SLC1A2: variants seen among roughly 807,000 people sequenced by gnomAD.
SLC1A2 encodes excitatory amino acid transporter 2.
Under a neutral mutation model 48.8 loss-of-function variants are expected in SLC1A2, and 15 were observed. The observed-to-expected ratio is 0.31, with a 90% CI of 0.21 to 0.47. The LOEUF (loss-of-function observed/expected upper bound fraction) is 0.47, where lower values mean the gene tolerates loss of function less well. Among genes scored for constraint, SLC1A2 ranks in the 20% least tolerant of loss-of-function variants. The probability of loss-of-function intolerance (pLI) is 0.99; values close to 1 mark genes in which losing one functional copy is unlikely to be tolerated. For synonymous variants in SLC1A2, 279 were observed against 272.6 expected (o/e 1.02, Z -0.23); for missense variants, 502 against 730.5 (o/e 0.69, Z 3.61).
At chr11:35,312,030 A>T in intron 4 of SLC1A2, 168 bp downstream of exon 4, 2 of 622,030 alleles carry the variant, frequency 3.2e-6, no homozygotes, top group African/African-American at 3.6e-5. Flanking sequence ...GGAGACTCCA[A>T]TCCCAAGATC....
intron 1 of SLC1A2, among the ~76,000 whole-genome samples, chr11:35,329,877 T>TACA (rs1852374431): frequency 6.6e-6 from 1 of 152,230 alleles, no homozygotes. Context: ...TAATAACAGT[T>TACA]GCCATCAGAC....
At chr11:35,284,114 T>TATATATA (rs1554993927) in intron 8 of SLC1A2, among the ~76,000 whole-genome samples, 5 of 139,658 alleles carry the variant, frequency 3.6e-5, no homozygotes, top group East Asian at 2.1e-4. Context: ...TATATATAAA[T>TATATATA]TATTATTTTG....
At chr11:35,311,691 G>T (rs1009917622) in intron 4 of SLC1A2, among the ~76,000 whole-genome samples, 4 of 151,946 alleles carry the variant, frequency 2.6e-5, no homozygotes, top group African/African-American at 9.7e-5. Context: ...GATTCTGATT[G>T]TGTAGGGTAT....
At chr11:35,288,097 A>T (rs1002742411) in intron 7 of SLC1A2, among the ~76,000 whole-genome samples, 2 of 152,192 alleles carry the variant, frequency 1.3e-5, no homozygotes, top group African/African-American at 4.8e-5. Context: ...GTGGGAGAAG[A>T]CCATCTGCTC....
chr11:35,303,611 T>C (rs1851418178), intron 5 of SLC1A2, among the ~76,000 whole-genome samples: 1 of 152,098 alleles, frequency 6.6e-6, no homozygotes, highest in African/African-American at 2.4e-5. Flanking sequence ...GTTAATTTCA[T>C]TTGAAATTAA....
intron 1 of SLC1A2, among the ~76,000 whole-genome samples, chr11:35,416,196 AG>A (rs1446610503): frequency 6.6e-6 from 1 of 152,228 alleles, no homozygotes; most frequent in African/African-American, 2.4e-5. Flanking sequence ...GTACAGGCAA[AG>A]ATCAATGCAC....
intron 1 of SLC1A2, among the ~76,000 whole-genome samples, chr11:35,331,023 CA>C (rs1383203107): frequency 1.3e-5 from 2 of 152,152 alleles, no homozygotes; most frequent in African/African-American, 2.4e-5. Context: ...TTGTTGTTTA[CA>C]AAAAGCCTCA....
intron 1 of SLC1A2, among the ~76,000 whole-genome samples, chr11:35,413,517 A>G (rs1855525627): frequency 6.6e-6 from 1 of 152,240 alleles, no homozygotes; most frequent in African/African-American, 2.4e-5. Flanking sequence ...TACCAAGATA[A>G]AAGGGAAGGT....
At chr11:35,374,886 C>A (rs1230462037) in intron 1 of SLC1A2, among the ~76,000 whole-genome samples, 1 of 152,046 alleles carries the variant, frequency 6.6e-6, no homozygotes, top group African/African-American at 2.4e-5. Flanking sequence ...ATACACATAC[C>A]TATATAAATC....
rs1245446768 is a variant in SLC1A2, at chr11:35,253,347, C to T, written c.*7547G>A. 1 of 152,620 alleles carries T rather than the reference C, an allele frequency of 6.6e-6. No homozygotes were observed. Among genetic ancestry groups the T allele is most frequent in the African/African-American group, 2.4e-5 (1 of 41,446 alleles). 9.5% of individuals were successfully genotyped at this position (152,620 alleles called of 1,614,324 possible). A position where few individuals can be genotyped will look rare whatever the true frequency, so the allele number is the denominator to read the frequency against. ...TTTGCTTGGCAAGAATTAACTGCAACAAATCTGTCCTGATTTCATCTCTAG... is the reference window on the plus strand; with the variant it reads ...TTTGCTTGGCAAGAATTAACTGCAATAAATCTGTCCTGATTTCATCTCTAG... On this transcript the variant is annotated 3_prime_UTR_variant, in exon 11 of 11. Coordinates refer to ENST00000278379, the MANE Select transcript of SLC1A2 (RefSeq NM_004171.4).
In SLC1A2 at chr11:35,284,496, C is replaced by G. The variant is rs544194163; in HGVS notation, c.1286+2261G>C. On this transcript the variant is annotated intron_variant, in intron 8 of 10. Coordinates refer to ENST00000278379, the MANE Select transcript of SLC1A2 (RefSeq NM_004171.4). ...CCACTGGGAGACATTTCAGATGATA[C>G]ATTCTAGCTGATTAAATAAATGTGA... Among the ~76,000 whole-genome samples the G allele has an allele frequency of 1.1e-4, 16 of 152,032 alleles. No homozygotes were observed. In the South Asian group the frequency reaches 3.3e-3, roughly 32 times the overall value.
At chr11:35,386,145 G>A (rs1385669237) in intron 1 of SLC1A2, among the ~76,000 whole-genome samples, 2 of 151,988 alleles carry the variant, frequency 1.3e-5, no homozygotes, top group South Asian at 2.1e-4. Flanking sequence ...CAGCCTGGGC[G>A]ACAGAGCAAG....
intron 5 of SLC1A2, 102 bp downstream of exon 5, chr11:35,305,972 T>G: frequency 1.9e-6 from 2 of 1,038,576 alleles, no homozygotes; most frequent in Non-Finnish European, 2.8e-6. Flanking sequence ...AGCCTCCTGC[T>G]CCACCTAGAG....
chr11:35,265,466 T>TA (rs1950465794), intron 10 of SLC1A2, 61 bp downstream of exon 10: 6 of 850,392 alleles, frequency 7.1e-6, no homozygotes, highest in South Asian at 1.6e-5. Flanking sequence ...TTTTTTTTTT[T>TA]AAAGAAATCA....
intron 4 of SLC1A2, among the ~76,000 whole-genome samples, chr11:35,310,351 A>T (rs955385158): frequency 6.6e-6 from 1 of 152,216 alleles, no homozygotes; most frequent in Non-Finnish European, 1.5e-5. Flanking sequence ...AAGTCAGTTC[A>T]TCTTTCTGAG....
intron 1 of SLC1A2, among the ~76,000 whole-genome samples, chr11:35,376,249 C>T (rs181572718): frequency 6.0e-4 from 91 of 151,230 alleles, no homozygotes; most frequent in African/African-American, 2.1e-3. Flanking sequence ...ATGGAAAGAC[C>T]GAGGAACTAT....
At chr11:35,313,332 C>G (rs911918240) in intron 3 of SLC1A2, among the ~76,000 whole-genome samples, 1 of 152,174 alleles carries the variant, frequency 6.6e-6, no homozygotes, top group African/African-American at 2.4e-5. Context: ...ACATTCCCAG[C>G]CTCATGCAGG....
At chr11:35,339,871 G>C (rs1346943227) in intron 1 of SLC1A2, among the ~76,000 whole-genome samples, 1 of 152,180 alleles carries the variant, frequency 6.6e-6, no homozygotes, top group Non-Finnish European at 1.5e-5. Context: ...ACAGATCACT[G>C]TATTCTCCTT....
At chr11:35,317,929 G>A (rs1851937433) in intron 1 of SLC1A2, among the ~76,000 whole-genome samples, 1 of 152,140 alleles carries the variant, frequency 6.6e-6, no homozygotes, top group Non-Finnish European at 1.5e-5. Flanking sequence ...TTTTTCAGGA[G>A]AGTCATACTT....
Sources: allele counts gnomAD v4.1 joint callset (sites outside exome capture counted in the v4.1 genomes callset), GRCh38; gene constraint gnomAD v4.1.1; transcripts MANE v1.5; gene names NCBI Gene and HGNC (gene_info 2026-07-23, HGNC 2026-07-21).